The following CDH13 variants were observed in gnomAD, a reference collection of about 807,000 sequenced individuals.
CDH13 encodes the protein cadherin-13.
In CDH13, 24 loss-of-function variants were observed where a neutral mutation model predicts 63.8. The observed-to-expected ratio is 0.38, with a 90% confidence interval of 0.27 to 0.53. The LOEUF (loss-of-function observed/expected upper bound fraction) is 0.53, where lower values mean the gene tolerates loss of function less well. Among genes scored for constraint, CDH13 ranks in the 20% least tolerant of loss-of-function variants. CDH13 has a pLI of 0.85. For synonymous variants in CDH13, 503 were observed against 355.3 expected, an observed-to-expected ratio of 1.42 and a Z score of -4.67; for missense variants, 1,049 against 903.1, an observed-to-expected ratio of 1.16 and a Z score of -2.07.
chr16:82,724,851 C>T (rs1431930467), intron 1 of CDH13, among the ~76,000 whole-genome samples: 1 of 152,114 alleles, frequency 6.6e-6, no homozygotes, highest in Non-Finnish European at 1.5e-5. Context: ...GATCGTACAC[C>T]CTCAGTCTTC....
At chr16:82,924,409 G>A (rs1445043668) in intron 2 of CDH13, among the ~76,000 whole-genome samples, 4 of 152,146 alleles carry the variant, frequency 2.6e-5, no homozygotes, top group Non-Finnish European at 5.9e-5. Flanking sequence ...TAGTAATACA[G>A]TAATGTCAGG....
intron 3 of CDH13, among the ~76,000 whole-genome samples, chr16:83,101,843 T>C (rs1253763675): frequency 2.0e-5 from 3 of 152,048 alleles, no homozygotes; most frequent in Admixed American, 6.5e-5. Flanking sequence ...ATGGAGTAGG[T>C]GACTTGTGAG....
chr16:82,776,873 A>T (rs1306360163), intron 1 of CDH13, among the ~76,000 whole-genome samples: 1 of 152,216 alleles, frequency 6.6e-6, no homozygotes, highest in Admixed American at 6.5e-5. Context: ...AAAGCCCTGG[A>T]AATTCTGGTG....
intron 3 of CDH13, among the ~76,000 whole-genome samples, chr16:83,108,210 C>T (rs1230318372): frequency 6.6e-6 from 1 of 152,144 alleles, no homozygotes; most frequent in Non-Finnish European, 1.5e-5. Context: ...GATGCATCTC[C>T]ACTATACACC....
intron 6 of CDH13, among the ~76,000 whole-genome samples, chr16:83,424,288 C>T (rs929227435): frequency 1.3e-5 from 2 of 152,192 alleles, no homozygotes; most frequent in Non-Finnish European, 2.9e-5. Flanking sequence ...CCAACATGGA[C>T]TGGACAGTCT....
chr16:83,503,468 G>A (rs367640377), intron 7 of CDH13, among the ~76,000 whole-genome samples: 13 of 152,232 alleles, frequency 8.5e-5, no homozygotes, highest in South Asian at 2.1e-4. Flanking sequence ...GAAGGAGGCC[G>A]GAAGGGGAAG....
intron 4 of CDH13, among the ~76,000 whole-genome samples, chr16:83,216,229 A>G (rs1028825830): frequency 6.6e-6 from 1 of 151,062 alleles, no homozygotes; most frequent in Non-Finnish European, 1.5e-5. Flanking sequence ...TTCAGAAACG[A>G]CAGTGTTGTA....
chr16:83,759,936 T>TA (rs11329988), intron 11 of CDH13, among the ~76,000 whole-genome samples: 4,194 of 133,242 alleles, frequency 0.031, 84 homozygotes, highest in East Asian at 0.083. Flanking sequence ...TCAAAACCAA[T>TA]AAAAAAAAAA....
intron 5 of CDH13, among the ~76,000 whole-genome samples, chr16:83,309,383 C>CCT (rs1555528468): frequency 6.7e-6 from 1 of 149,780 alleles, no homozygotes; most frequent in Non-Finnish European, 1.5e-5. Flanking sequence ...TCTCTCCCTT[C>CCT]TTTTTTTTTT....
At chr16:83,327,631 C>T (rs2090393823) in intron 5 of CDH13, among the ~76,000 whole-genome samples, 2 of 152,174 alleles carry the variant, frequency 1.3e-5, no homozygotes, top group South Asian at 2.1e-4. Context: ...GTTCAGTAGG[C>T]CTGTAGCAAT....
At chr16:83,326,315 C>G (rs997194854) in intron 5 of CDH13, among the ~76,000 whole-genome samples, 2 of 152,134 alleles carry the variant, frequency 1.3e-5, no homozygotes, top group African/African-American at 4.8e-5. Flanking sequence ...ACTATCTTCT[C>G]TCTTACCTGG....
At chr16:83,128,116 A>T (rs1263497424) in intron 4 of CDH13, among the ~76,000 whole-genome samples, 1 of 152,204 alleles carries the variant, frequency 6.6e-6, no homozygotes, top group African/African-American at 2.4e-5. Flanking sequence ...CTCACCATGC[A>T]TCAGAATCAG....
chr16:82,828,983 C>T (rs1388187510), intron 1 of CDH13, among the ~76,000 whole-genome samples: 3 of 152,080 alleles, frequency 2.0e-5, no homozygotes, highest in African/African-American at 7.2e-5. Flanking sequence ...CCACAGTGAA[C>T]ACAAGATTAG....
At chr16:83,581,204 A>G (rs1425395166) in intron 7 of CDH13, among the ~76,000 whole-genome samples, 1 of 152,216 alleles carries the variant, frequency 6.6e-6, no homozygotes, top group East Asian at 1.9e-4. Context: ...TTTGGAAAGC[A>G]GGTATGGTCT....
At chr16:83,453,965 C>T (rs1297546358) in intron 6 of CDH13, among the ~76,000 whole-genome samples, 2 of 152,248 alleles carry the variant, frequency 1.3e-5, no homozygotes, top group East Asian at 1.9e-4. Context: ...AGGGTGTGCA[C>T]GCAGGCACCC....
intron 1 of CDH13, among the ~76,000 whole-genome samples, chr16:82,671,880 C>G (rs8056014): frequency 0.25 from 38,623 of 152,038 alleles, 5,841 homozygotes; most frequent in Non-Finnish European, 0.35. Context: ...GAAAGTTGCG[C>G]ACCTGAGAAG....
chr16:82,768,745 T>C (rs932989692), intron 1 of CDH13, among the ~76,000 whole-genome samples: 2 of 152,222 alleles, frequency 1.3e-5, no homozygotes, highest in African/African-American at 4.8e-5. Flanking sequence ...CAGCAGCCAC[T>C]GAACATCAGG....
At chr16:83,253,339 C>T (rs1036549616) in intron 5 of CDH13, among the ~76,000 whole-genome samples, 1 of 152,196 alleles carries the variant, frequency 6.6e-6, no homozygotes, top group Admixed American at 6.5e-5. Context: ...ACACATTAAA[C>T]CTCAGAGCAT....
At chr16:82,884,303 T>C (rs2040809024) in intron 2 of CDH13, 1 of 433,580 alleles carries the variant, frequency 2.3e-6, no homozygotes, top group African/African-American at 2.1e-5. Flanking sequence ...GGCATGCTAT[T>C]GAGAAAAGGA....
Sources: gnomAD v4.1 joint callset for allele counts (sites outside exome capture counted in the v4.1 genomes callset) on GRCh38, gnomAD v4.1.1 for gene constraint, MANE v1.5 for transcripts, NCBI Gene and HGNC (gene_info 2026-07-23, HGNC 2026-07-21) for gene names.